ATG7: variants seen among roughly 807,000 people sequenced by gnomAD.
ATG7 encodes ubiquitin-like modifier-activating enzyme ATG7.
In ATG7, 70 loss-of-function variants were observed where a neutral mutation model predicts 82.4. The ratio of observed to expected loss-of-function variants is 0.85; its 90% CI spans 0.70 to 1.04. The LOEUF is 1.04. ATG7 is among the 50% of genes least tolerant of loss of function. The pLI, the probability that ATG7 is intolerant of heterozygous loss-of-function variation, is 0.00. For missense variants in ATG7, 792 were observed against 864.3 expected (o/e 0.92, Z 1.05); for synonymous variants, 287 against 313.0 (o/e 0.92, Z 0.88).
chr3:11,283,560 C>G (rs1004565129), intron 3 of ATG7, among the ~76,000 whole-genome samples: 1 of 152,106 alleles, frequency 6.6e-6, no homozygotes, highest in Non-Finnish European at 1.5e-5. Flanking sequence ...AATCCACACT[C>G]GGGTTCATCT....
At chr3:11,431,877 G>A (rs1399508429) in intron 20 of ATG7, among the ~76,000 whole-genome samples, 1 of 152,152 alleles carries the variant, frequency 6.6e-6, no homozygotes, top group African/African-American at 2.4e-5. Flanking sequence ...GGGGCACATA[G>A]TAATGAATTG....
At chr3:11,567,318 C>T in the ATG7 span, among the ~76,000 whole-genome samples, 1 of 152,132 alleles carries the variant, frequency 6.6e-6, no homozygotes, top group Admixed American at 6.5e-5. Flanking sequence ...CCTGTCAGCC[C>T]TAAACCGAGT....
At chr3:11,278,472 G>A (rs907231368) in intron 1 of ATG7, among the ~76,000 whole-genome samples, 2 of 152,168 alleles carry the variant, frequency 1.3e-5, no homozygotes, top group African/African-American at 2.4e-5. Flanking sequence ...GTGACTTCCC[G>A]CAACAGAACT....
intron 15 of ATG7, among the ~76,000 whole-genome samples, chr3:11,359,403 C>T (rs2594970): frequency 0.87 from 132,809 of 152,206 alleles, 58,298 homozygotes; most frequent in East Asian, 1. Flanking sequence ...AATGAAAAAA[C>T]GGTTTCTTAA....
intron 9 of ATG7, among the ~76,000 whole-genome samples, chr3:11,317,671 C>T (rs2152729896): frequency 6.7e-6 from 1 of 149,282 alleles, no homozygotes; most frequent in East Asian, 2.0e-4. Context: ...CGGCTCACTG[C>T]AACCTCCGCC....
At chr3:11,507,165 C>T (rs1390146610) in intron 20 of ATG7, among the ~76,000 whole-genome samples, 1 of 152,074 alleles carries the variant, frequency 6.6e-6, no homozygotes, top group Non-Finnish European at 1.5e-5. Flanking sequence ...ACCTGTAGTG[C>T]CAGCTACTCA....
intron 19 of ATG7, among the ~76,000 whole-genome samples, chr3:11,420,182 T>G (rs561749584): frequency 6.6e-6 from 1 of 152,322 alleles, no homozygotes; most frequent in South Asian, 2.1e-4. Flanking sequence ...TGTAAGCCAC[T>G]TATAACACAG....
chr3:11,358,637 T>A, intron 15 of ATG7, 25 bp downstream of exon 15: 7 of 1,605,278 alleles, frequency 4.4e-6, no homozygotes, highest in Non-Finnish European at 6.0e-6. Context: ...TAATTATGAT[T>A]TATGATTTAA....
the ATG7 span, among the ~76,000 whole-genome samples, chr3:11,567,356 C>T: frequency 7.9e-5 from 12 of 152,146 alleles, no homozygotes; most frequent in Non-Finnish European, 1.5e-4. Flanking sequence ...ATTAGCTGTA[C>T]AGGACCCAGT....
intron 5 of ATG7, among the ~76,000 whole-genome samples, chr3:11,305,664 T>C (rs997717762): frequency 6.6e-6 from 1 of 152,186 alleles, no homozygotes; most frequent in African/African-American, 2.4e-5. Flanking sequence ...TGGAGGAGCA[T>C]GGTGACAAAC....
chr3:11,424,108 C>T (rs1179684404), intron 19 of ATG7, among the ~76,000 whole-genome samples: 1 of 152,060 alleles, frequency 6.6e-6, no homozygotes, highest in Non-Finnish European at 1.5e-5. Context: ...GTCGCCTGGT[C>T]CTTTCGCTTT....
the ATG7 span, among the ~76,000 whole-genome samples, chr3:11,573,319 GAAA>G: frequency 0.038 from 937 of 24,464 alleles, 109 homozygotes; most frequent in East Asian, 0.075. Flanking sequence ...AAGGAAGGAA[GAAA>G]GAAAGAAAGA....
rs1389005261 is a variant in ATG7 at position 11,545,552 on chromosome 3, A to AT, written c.2080-9258dup. 2.6e-5 allele frequency among the ~76,000 whole-genome samples: 4 copies of AT among 152,064 alleles called. No individual in the cohort carries two copies. In the East Asian group the frequency reaches 7.8e-4, roughly 30 times the overall value. On this transcript the variant is annotated intron_variant, in intron 20 of 20. Transcript: ENST00000693202. ...GCCACCTCCCTGTCTCTTCTTGTCC[A>AT]TAAACCTGACCTAGGACTTCACGGA... is the stretch of plus-strand genomic sequence containing the variant.
intron 20 of ATG7, among the ~76,000 whole-genome samples, chr3:11,519,193 C>A (rs911957656): frequency 6.6e-6 from 1 of 151,942 alleles, no homozygotes; most frequent in African/African-American, 2.4e-5. Context: ...TTTTAACCAG[C>A]AAAAGGAATA....
intron 20 of ATG7, among the ~76,000 whole-genome samples, chr3:11,479,831 A>G (rs1394669928): frequency 6.6e-6 from 1 of 151,960 alleles, no homozygotes; most frequent in African/African-American, 2.4e-5. Context: ...CTCCTTCTCC[A>G]CTTAGGGCTG....
chr3:11,313,846 C>T lies in ATG7; in HGVS notation c.528+426C>T, dbSNP rs545320699. ...AACACCTGGGCTCAAGCAATCTGTC[C>T]ACCTCAGCCTCCCAAAGTGCTGGGA... is the stretch of plus-strand genomic sequence containing the variant. On this transcript the variant is annotated intron_variant, in intron 8 of 20. Transcript: ENST00000693202. Among the ~76,000 whole-genome samples, 4 of 152,234 alleles carry T rather than the reference C, an allele frequency of 2.6e-5. No individual in the cohort carries two copies. The East Asian group carries it at 5.8e-4, about 22-fold the overall frequency.
intron 18 of ATG7, among the ~76,000 whole-genome samples, chr3:11,366,142 C>T (rs554007428): frequency 2.0e-5 from 3 of 147,018 alleles, no homozygotes; most frequent in South Asian, 2.1e-4. Context: ...CGCTTGAACC[C>T]GGGAGGTGGA....
At chr3:11,454,486 G>A (rs1263296948) in intron 20 of ATG7, among the ~76,000 whole-genome samples, 1 of 152,230 alleles carries the variant, frequency 6.6e-6, no homozygotes, top group Non-Finnish European at 1.5e-5. Context: ...GCCAGTTTGA[G>A]TATGGAGACC....
chr3:11,446,479 A>G (rs1289565993), intron 20 of ATG7: 1 of 435,686 alleles, frequency 2.3e-6, no homozygotes, highest in Admixed American at 2.7e-5. Flanking sequence ...CATCATTCAA[A>G]ATACTTTATT....
Sources: allele counts gnomAD v4.1 joint callset (sites outside exome capture counted in the v4.1 genomes callset), GRCh38; gene constraint gnomAD v4.1.1; transcripts MANE v1.5; gene names NCBI Gene and HGNC (gene_info 2026-07-23, HGNC 2026-07-21).